Variants in ALK observed in about 807,000 individuals in gnomAD.
The protein encoded by ALK is ALK receptor tyrosine kinase.
In ALK, 74 loss-of-function variants were observed where a neutral mutation model predicts 163.1. That is an observed-to-expected ratio of 0.45 (90% confidence interval 0.38 to 0.55). The LOEUF is 0.55. Ranked by LOEUF, ALK falls within the 20% of genes least tolerant of loss-of-function variation. ALK has a pLI of 0.00. For synonymous variants in ALK, 960 were observed against 843.2 expected, an observed-to-expected ratio of 1.14 and a Z score of -2.40; for missense variants, 2,063 against 2,105.3, an observed-to-expected ratio of 0.98 and a Z score of 0.39.
At chr2:29,346,873 C>T (rs561068256) in intron 5 of ALK, among the ~76,000 whole-genome samples, 2 of 152,224 alleles carry the variant, frequency 1.3e-5, no homozygotes, top group South Asian at 4.2e-4. Flanking sequence ...CCAGGCAGTC[C>T]CCAGAGCTGC....
At chr2:29,301,290 A>G (rs1406127651) in intron 8 of ALK, among the ~76,000 whole-genome samples, 1 of 152,114 alleles carries the variant, frequency 6.6e-6, no homozygotes, top group Non-Finnish European at 1.5e-5. Flanking sequence ...CATCTCAGAA[A>G]CCACTTCCTC....
chr2:29,265,088 T>C (rs1665185017), intron 11 of ALK, among the ~76,000 whole-genome samples: 1 of 152,100 alleles, frequency 6.6e-6, no homozygotes. Context: ...GGTGAGATCT[T>C]AGCTCACTGC....
intron 4 of ALK, among the ~76,000 whole-genome samples, chr2:29,462,573 A>G (rs1015356938): frequency 6.6e-6 from 1 of 152,190 alleles, no homozygotes; most frequent in South Asian, 2.1e-4. Flanking sequence ...TTTCATATTA[A>G]GGTATGTACA....
chr2:29,268,498 C>A (rs184963819), intron 11 of ALK, among the ~76,000 whole-genome samples: 16 of 152,286 alleles, frequency 1.1e-4, no homozygotes, highest in Non-Finnish European at 1.8e-4. Context: ...GGCTCGTTCA[C>A]AGCCTCAGAG....
At chr2:29,366,321 C>G (rs1046805647) in intron 5 of ALK, among the ~76,000 whole-genome samples, 1 of 152,016 alleles carries the variant, frequency 6.6e-6, no homozygotes, top group African/African-American at 2.4e-5. Context: ...GAGACTTTAC[C>G]AGAAAGGTTG....
chr2:29,713,899 T>A (rs989126307), intron 2 of ALK, among the ~76,000 whole-genome samples: 2 of 152,036 alleles, frequency 1.3e-5, no homozygotes, highest in African/African-American at 4.8e-5. Flanking sequence ...GCAGAACCTT[T>A]CATCGTCCTG....
At chr2:29,704,767 G>A (rs952356270) in intron 2 of ALK, among the ~76,000 whole-genome samples, 2 of 152,122 alleles carry the variant, frequency 1.3e-5, no homozygotes, top group Admixed American at 1.3e-4. Context: ...AGTGAGAACA[G>A]GGTGGGGGAA....
intron 6 of ALK, among the ~76,000 whole-genome samples, chr2:29,321,495 G>T (rs907748328): frequency 1.3e-5 from 2 of 152,226 alleles, no homozygotes; most frequent in African/African-American, 4.8e-5. Context: ...GAAGACATAT[G>T]ATGTGCTCTG....
At chr2:29,558,945 G>GA (rs1034730612) in intron 3 of ALK, among the ~76,000 whole-genome samples, 7 of 152,120 alleles carry the variant, frequency 4.6e-5, no homozygotes, top group Non-Finnish European at 8.8e-5. Context: ...AGTCAAATAT[G>GA]AAAATTTAAG....
At chr2:29,523,169 C>G (rs908761138) in intron 4 of ALK, among the ~76,000 whole-genome samples, 2 of 152,160 alleles carry the variant, frequency 1.3e-5, no homozygotes, top group Non-Finnish European at 2.9e-5. Context: ...CACAGCTCAT[C>G]ATCTGTGTCC....
At chr2:29,889,695 C>CAGAGAGAGAGAGAGAGAGAGAG (rs869083201) in intron 1 of ALK, among the ~76,000 whole-genome samples, 1 of 101,872 alleles carries the variant, frequency 9.8e-6, no homozygotes, top group Non-Finnish European at 1.9e-5. Context: ...GATAGATAGA[C>CAGAGAGAGAGAGAGAGAGAGAG]AGAGAGAGAG....
intron 3 of ALK, among the ~76,000 whole-genome samples, chr2:29,638,396 G>T (rs1028042221): frequency 6.6e-5 from 10 of 152,058 alleles, no homozygotes; most frequent in African/African-American, 2.4e-4. Flanking sequence ...GTGGATGAAA[G>T]CTCTCCACTC....
chr2:29,597,825 G>A (rs1235728488), intron 3 of ALK, among the ~76,000 whole-genome samples: 3 of 152,292 alleles, frequency 2.0e-5, no homozygotes, highest in East Asian at 1.9e-4. Context: ...GGGAGATAGC[G>A]GGGCAGGTGG....
intron 15 of ALK, 84 bp from the exon 16 acceptor site, chr2:29,229,150 G>T: frequency 3.8e-6 from 5 of 1,313,052 alleles, no homozygotes; most frequent in Admixed American, 1.8e-5. Flanking sequence ...GATGCAGGAC[G>T]CCTTGGAGGG....
chr2:29,628,823 A>G (rs1255517265), intron 3 of ALK, among the ~76,000 whole-genome samples: 1 of 152,230 alleles, frequency 6.6e-6, no homozygotes, highest in Non-Finnish European at 1.5e-5. Flanking sequence ...CAACTCTGTA[A>G]GAAAAAAAGG....
chr2:29,379,354 G>T (rs757371398), intron 5 of ALK, among the ~76,000 whole-genome samples: 1 of 152,186 alleles, frequency 6.6e-6, no homozygotes, highest in South Asian at 2.1e-4. Context: ...AAAAGAAGGT[G>T]CAGCATTTAT....
Position 29,778,515 on chromosome 2 carries a change from C to A in ALK, c.668-60818G>T, listed in dbSNP as rs138694609. On this transcript the variant is annotated intron_variant, in intron 1 of 28. Coordinates refer to ENST00000389048, the MANE Select transcript of ALK (RefSeq NM_004304.5). ...GGTTGGCCGCCATCATGCGTGGGTG[C>A]AGGCATCGTGTGTGTATGTGTGTGT... 1.3e-3 allele frequency among the ~76,000 whole-genome samples: 203 copies of A among 152,226 alleles called. 5 individuals are homozygous for A. The East Asian group carries it at 0.03, about 23-fold the overall frequency.
intron 3 of ALK, among the ~76,000 whole-genome samples, chr2:29,669,077 A>T (rs2339529): frequency 0.85 from 129,851 of 151,944 alleles, 55,775 homozygotes; most frequent in African/African-American, 0.94. Flanking sequence ...ATCAGCAAAG[A>T]TGGGTGAAAT....
At chr2:29,604,118 G>T (rs968657756) in intron 3 of ALK, among the ~76,000 whole-genome samples, 1 of 150,802 alleles carries the variant, frequency 6.6e-6, no homozygotes, top group Non-Finnish European at 1.5e-5. Context: ...ATCAAATCTG[G>T]CCCACTACCT....
Sources: gnomAD v4.1 joint callset for allele counts (sites outside exome capture counted in the v4.1 genomes callset) on GRCh38, gnomAD v4.1.1 for gene constraint, MANE v1.5 for transcripts, NCBI Gene and HGNC (gene_info 2026-07-23, HGNC 2026-07-21) for gene names.